The following ASPH variants were observed in gnomAD, a reference collection of about 807,000 sequenced individuals.
The protein encoded by ASPH is aspartyl/asparaginyl beta-hydroxylase.
ASPH carries 100 observed loss-of-function variants against 118.4 expected under a neutral mutation model. The observed-to-expected ratio is 0.84, with a 90% CI of 0.72 to 1.00. The LOEUF is 1.00. ASPH is among the 50% of genes least tolerant of loss of function. ASPH has a pLI of 0.00. For synonymous variants in ASPH, 315 were observed against 325.6 expected (o/e 0.97, Z 0.35); for missense variants, 920 against 919.5 (o/e 1.00, Z -0.01).
chr8:61,615,527 C>T (rs992847603), intron 14 of ASPH, among the ~76,000 whole-genome samples: 1 of 152,154 alleles, frequency 6.6e-6, no homozygotes, highest in African/African-American at 2.4e-5. Flanking sequence ...GGGCCCAGTG[C>T]CTAAAACAGA....
At chr8:61,622,484 A>C (rs1169850678) in intron 13 of ASPH, among the ~76,000 whole-genome samples, 2 of 152,204 alleles carry the variant, frequency 1.3e-5, no homozygotes, top group African/African-American at 2.4e-5. Context: ...CTCTGAGTGC[A>C]TTACCACACT....
intron 22 of ASPH, among the ~76,000 whole-genome samples, chr8:61,522,115 C>A (rs1173564766): frequency 6.6e-6 from 1 of 152,120 alleles, no homozygotes. Context: ...ATAGACGTTC[C>A]ATAATATTCA....
chr8:61,673,540 T>C (rs951942182), intron 3 of ASPH, among the ~76,000 whole-genome samples: 1 of 152,170 alleles, frequency 6.6e-6, no homozygotes, highest in Non-Finnish European at 1.5e-5. Context: ...TCTGAAAAGG[T>C]AAAGTAAATA....
At chr8:61,665,114 T>G (rs1818870267) in intron 3 of ASPH, 1 of 1,427,708 alleles carries the variant, frequency 7.0e-7, no homozygotes, top group Non-Finnish European at 9.1e-7. Flanking sequence ...GTAATTTACT[T>G]GCTAAGCACC....
chr8:61,559,090 A>G (rs563342561), intron 18 of ASPH, among the ~76,000 whole-genome samples: 1 of 152,256 alleles, frequency 6.6e-6, no homozygotes, highest in South Asian at 2.1e-4. Context: ...TATGGGGTAC[A>G]TGAGATATTT....
At position 61,680,958 on chromosome 8, in the gene ASPH, G is replaced by A. The variant is rs1007562015; in HGVS notation, c.322+10C>T. 1 of 1,588,916 alleles carries A rather than the reference G, an allele frequency of 6.3e-7. No homozygotes were observed. The highest frequency in any genetic ancestry group is 1.8e-5 in the Admixed American group (1 of 56,976). ...TCACCACTAACAAAAAACATAAAATGTGTACTTGCCTAATAAAACTTTGGC... is the reference window on the plus strand; with the variant it reads ...TCACCACTAACAAAAAACATAAAATATGTACTTGCCTAATAAAACTTTGGC... On this transcript the variant is annotated intron_variant, in intron 3 of 24. Transcript: ENST00000379454.
Position 61,503,071 on chromosome 8 carries a change from A to C in ASPH, c.*288T>G. ...GAATTAGACCTATTCTATGTGGAAAAAATATCTTTGGCTGGTAAGGTAGAA... is the reference window on the plus strand; with the variant it reads ...GAATTAGACCTATTCTATGTGGAAACAATATCTTTGGCTGGTAAGGTAGAA... On this transcript the variant is annotated 3_prime_UTR_variant, in exon 25 of 25. Transcript: ENST00000379454. 3.7e-6 allele frequency: 1 copy of C among 267,606 alleles called. No individual in the cohort carries two copies. Among genetic ancestry groups the C allele is most frequent in the Non-Finnish European group, 7.0e-6 (1 of 143,766 alleles). 16.6% of individuals were successfully genotyped at this position (267,606 alleles called of 1,614,324 possible).
intron 18 of ASPH, among the ~76,000 whole-genome samples, chr8:61,561,487 G>C (rs1829961136): frequency 6.6e-6 from 1 of 152,128 alleles, no homozygotes; most frequent in African/African-American, 2.4e-5. Flanking sequence ...AAAATTATGA[G>C]AAAGGTAAAA....
At chr8:61,645,664 T>C (rs1807562549) in intron 6 of ASPH, among the ~76,000 whole-genome samples, 2 of 152,200 alleles carry the variant, frequency 1.3e-5, no homozygotes. Context: ...TGTGTGCTTG[T>C]ATTTTTCACA....
At chr8:61,660,126 G>C (rs1221321920) in intron 3 of ASPH, 2 of 152,042 alleles carry the variant, frequency 1.3e-5, no homozygotes, top group Non-Finnish European at 2.9e-5. Context: ...CCAATAGTTA[G>C]TTTTTCAACC....
chr8:61,543,908 A>G (rs894422309), intron 21 of ASPH, among the ~76,000 whole-genome samples: 2 of 152,184 alleles, frequency 1.3e-5, no homozygotes, highest in Non-Finnish European at 1.5e-5. Flanking sequence ...TAAAAAAAAT[A>G]CCTGCCAATA....
rs1843517758 is a variant in ASPH at position 61,600,010 on chromosome 8, T to C, written c.977-15981A>G. On this transcript the variant is annotated intron_variant, in intron 14 of 24. Coordinates refer to ENST00000379454, the MANE Select transcript of ASPH (RefSeq NM_004318.4). ...ATATTCCTGATACGAAAATCCCTAA[T>C]AAAATATTAGCAAAGTGAATCCAAC... Among the ~76,000 whole-genome samples, 4 of 151,954 alleles carry C rather than the reference T, an allele frequency of 2.6e-5. No homozygotes were observed. The South Asian group carries it at 8.3e-4, about 32-fold the overall frequency.
At chr8:61,607,015 T>G in intron 14 of ASPH, 1 of 409,682 alleles carries the variant, frequency 2.4e-6, no homozygotes, top group East Asian at 4.2e-5. Context: ...AGACTCCAGT[T>G]GCTTTCCATC....
At chr8:61,597,168 G>A (rs1027787785) in intron 14 of ASPH, among the ~76,000 whole-genome samples, 1 of 115,338 alleles carries the variant, frequency 8.7e-6, no homozygotes, top group Non-Finnish European at 1.8e-5. Flanking sequence ...AGAACCAGAA[G>A]ATAGATCACT....
At chr8:61,561,870 G>T (rs1012632978) in intron 18 of ASPH, among the ~76,000 whole-genome samples, 5 of 152,184 alleles carry the variant, frequency 3.3e-5, no homozygotes, top group Non-Finnish European at 7.3e-5. Context: ...GGATGTTGAG[G>T]TGAGCTATAT....
chr8:61,505,763 T>C (rs185856250), intron 24 of ASPH, among the ~76,000 whole-genome samples: 1 of 152,294 alleles, frequency 6.6e-6, no homozygotes, highest in East Asian at 1.9e-4. Flanking sequence ...CAGAAATCTA[T>C]GGACTTAGGA....
At chr8:61,671,683 A>G (rs1822618377) in intron 3 of ASPH, among the ~76,000 whole-genome samples, 1 of 152,222 alleles carries the variant, frequency 6.6e-6, no homozygotes, top group Non-Finnish European at 1.5e-5. Flanking sequence ...GAATTCTTAT[A>G]CAGAAATTAG....
intron 4 of ASPH, 164 bp from the exon 5 acceptor site, chr8:61,651,288 C>T: frequency 2.0e-6 from 1 of 507,316 alleles, no homozygotes; most frequent in Non-Finnish European, 3.4e-6. Flanking sequence ...TCTGTGTTGG[C>T]AAACATGGTA....
chr8:61,536,609 G>T (rs1819710726), intron 21 of ASPH, among the ~76,000 whole-genome samples: 1 of 152,202 alleles, frequency 6.6e-6, no homozygotes, highest in East Asian at 1.9e-4. Flanking sequence ...TGCATATTTG[G>T]CTCTCTCTGG....
Sources: allele counts gnomAD v4.1 joint callset (sites outside exome capture counted in the v4.1 genomes callset), GRCh38; gene constraint gnomAD v4.1.1; transcripts MANE v1.5; gene names NCBI Gene and HGNC (gene_info 2026-07-23, HGNC 2026-07-21).